CDH12: variants seen among roughly 807,000 people sequenced by gnomAD.
The protein encoded by CDH12 is cadherin 12.
Under a neutral mutation model 74.1 loss-of-function variants are expected in CDH12, and 41 were observed. The observed-to-expected ratio is 0.55, with a 90% CI of 0.43 to 0.72. CDH12 has a LOEUF of 0.72. CDH12 is among the 30% of genes least tolerant of loss of function. CDH12 has a pLI of 0.00. For missense variants in CDH12, 945 were observed against 977.2 expected (o/e 0.97, Z 0.44); for synonymous variants, 399 against 355.0 (o/e 1.12, Z -1.39).
At chr5:22,237,218 G>A (rs1375631864) in intron 3 of CDH12, among the ~76,000 whole-genome samples, 5 of 152,088 alleles carry the variant, frequency 3.3e-5, no homozygotes, top group Non-Finnish European at 7.3e-5. Flanking sequence ...TGGGACCACT[G>A]ATGTCGATGT....
intron 1 of CDH12, among the ~76,000 whole-genome samples, chr5:22,605,155 G>A (rs576279603): frequency 8.5e-5 from 13 of 152,260 alleles, no homozygotes; most frequent in South Asian, 2.1e-4. Context: ...TTGTGCCTAC[G>A]GGAGCAAGAA....
intron 3 of CDH12, among the ~76,000 whole-genome samples, chr5:22,268,998 C>T (rs868771274): frequency 4.6e-5 from 7 of 152,140 alleles, no homozygotes; most frequent in Middle Eastern, 3.4e-3. Flanking sequence ...ACTCAATTCT[C>T]GCCCTCCCAT....
intron 1 of CDH12, among the ~76,000 whole-genome samples, chr5:22,729,505 T>C (rs1744324616): frequency 6.6e-6 from 1 of 151,876 alleles, no homozygotes; most frequent in African/African-American, 2.4e-5. Flanking sequence ...CTGTAACAAA[T>C]GCATGGGTAT....
intron 7 of CDH12, among the ~76,000 whole-genome samples, chr5:21,843,837 T>C (rs1750012610): frequency 6.6e-6 from 1 of 152,216 alleles, no homozygotes; most frequent in African/African-American, 2.4e-5. Flanking sequence ...TTAAGTTATG[T>C]GACTTCTGCC....
intron 6 of CDH12, among the ~76,000 whole-genome samples, chr5:21,948,431 C>G (rs1484532399): frequency 1.3e-5 from 2 of 152,226 alleles, no homozygotes; most frequent in Admixed American, 1.3e-4. Flanking sequence ...GGGTTTCAGA[C>G]TTTCATGGGG....
At chr5:21,797,722 T>C (rs1158063424) in intron 10 of CDH12, among the ~76,000 whole-genome samples, 1 of 152,178 alleles carries the variant, frequency 6.6e-6, no homozygotes, top group Non-Finnish European at 1.5e-5. Flanking sequence ...TCTTTCATGT[T>C]AACCTTTCTC....
At chr5:21,987,433 T>C (rs10472475) in intron 5 of CDH12, among the ~76,000 whole-genome samples, 1 of 152,194 alleles carries the variant, frequency 6.6e-6, no homozygotes, top group East Asian at 1.9e-4. Flanking sequence ...TTGTTAGCTG[T>C]ATGTCTCAGA....
At chr5:22,598,818 T>C (rs1736718950) in intron 1 of CDH12, among the ~76,000 whole-genome samples, 1 of 152,206 alleles carries the variant, frequency 6.6e-6, no homozygotes, top group Non-Finnish European at 1.5e-5. Flanking sequence ...CTGTGTATGA[T>C]CAGAGATGGT....
intron 1 of CDH12, among the ~76,000 whole-genome samples, chr5:22,557,346 T>C (rs988347101): frequency 1.3e-5 from 2 of 152,050 alleles, no homozygotes; most frequent in African/African-American, 4.8e-5. Flanking sequence ...ACAGATTGAT[T>C]TACAGAGATT....
At chr5:22,366,993 AATT>A (rs1398752254) in intron 3 of CDH12, among the ~76,000 whole-genome samples, 1 of 152,216 alleles carries the variant, frequency 6.6e-6, no homozygotes, top group Non-Finnish European at 1.5e-5. Context: ...GTTTTTAAAA[AATT>A]ATTTTCTTTT....
At chr5:22,628,079 C>A (rs1240787790) in intron 1 of CDH12, among the ~76,000 whole-genome samples, 1 of 151,966 alleles carries the variant, frequency 6.6e-6, no homozygotes, top group Non-Finnish European at 1.5e-5. Flanking sequence ...ATGCACCCAA[C>A]AAAGGAGCAC....
intron 1 of CDH12, among the ~76,000 whole-genome samples, chr5:22,731,907 A>T: frequency 6.6e-6 from 1 of 151,868 alleles, no homozygotes; most frequent in East Asian, 1.9e-4. Flanking sequence ...TGAACTTAGT[A>T]ATAACCTAAA....
chr5:22,450,048 G>A (rs1428389478), intron 2 of CDH12, among the ~76,000 whole-genome samples: 4 of 151,958 alleles, frequency 2.6e-5, no homozygotes, highest in Non-Finnish European at 5.9e-5. Context: ...AACACTCTTA[G>A]CAACTTTCCC....
chr5:22,027,168 T>C (rs1042271092), intron 5 of CDH12, among the ~76,000 whole-genome samples: 44 of 152,118 alleles, frequency 2.9e-4, no homozygotes, highest in Non-Finnish European at 5.6e-4. Flanking sequence ...TGAAGCCCAC[T>C]TGATCATGGT....
At chr5:21,973,212 A>G (rs1156957496) in intron 6 of CDH12, among the ~76,000 whole-genome samples, 1 of 152,062 alleles carries the variant, frequency 6.6e-6, no homozygotes, top group Non-Finnish European at 1.5e-5. Flanking sequence ...GTCTCAAAAT[A>G]AATAAATAAA....
chr5:22,794,314 G>A (rs1159376053), intron 1 of CDH12, among the ~76,000 whole-genome samples: 2 of 152,158 alleles, frequency 1.3e-5, no homozygotes, highest in Non-Finnish European at 2.9e-5. Flanking sequence ...AGGAATATTT[G>A]AGTACTAGAA....
chr5:21,885,187 A>G (rs1561273106), intron 6 of CDH12, among the ~76,000 whole-genome samples: 2 of 152,140 alleles, frequency 1.3e-5, no homozygotes, highest in South Asian at 2.1e-4. Flanking sequence ...GCGCCCAGGC[A>G]AAAGGCCCTG....
chr5:22,800,166 C>T (rs530317688), intron 1 of CDH12, among the ~76,000 whole-genome samples: 1 of 152,190 alleles, frequency 6.6e-6, no homozygotes, highest in Admixed American at 6.5e-5. Context: ...GACATAAATA[C>T]TATTATGAAT....
intron 1 of CDH12, among the ~76,000 whole-genome samples, chr5:22,799,458 TA>T (rs1243880131): frequency 2.0e-5 from 3 of 152,200 alleles, no homozygotes; most frequent in African/African-American, 7.2e-5. Context: ...AGTATTTTAT[TA>T]AAAATGTGTG....
Sources: allele counts gnomAD v4.1 joint callset (sites outside exome capture counted in the v4.1 genomes callset), GRCh38; gene constraint gnomAD v4.1.1; transcripts MANE v1.5; gene names NCBI Gene and HGNC (gene_info 2026-07-23, HGNC 2026-07-21).